ARHGEF12: variants seen among roughly 807,000 people sequenced by gnomAD.
The protein encoded by ARHGEF12 is Rho guanine nucleotide exchange factor 12.
Under a neutral mutation model 211.2 loss-of-function variants are expected in ARHGEF12, and 66 were observed. The observed-to-expected ratio is 0.31, with a 90% CI of 0.26 to 0.38. ARHGEF12 has a LOEUF of 0.38. Among genes scored for constraint, ARHGEF12 ranks in the 10% least tolerant of loss-of-function variants. ARHGEF12 has a pLI of 1.00. For missense variants in ARHGEF12, 1,429 were observed against 1,869.5 expected (o/e 0.76, Z 4.34); for synonymous variants, 592 against 638.4 (o/e 0.93, Z 1.09).
At chr11:120,376,815 C>G (rs971011352) in intron 1 of ARHGEF12, among the ~76,000 whole-genome samples, 2 of 152,304 alleles carry the variant, frequency 1.3e-5, no homozygotes, top group Middle Eastern at 6.8e-3. Flanking sequence ...TTCCCAGCCT[C>G]TGGTAAACAT....
chr11:120,354,202 C>A (rs1036147245), intron 1 of ARHGEF12, among the ~76,000 whole-genome samples: 1 of 152,110 alleles, frequency 6.6e-6, no homozygotes, highest in Non-Finnish European at 1.5e-5. Flanking sequence ...TGAGAGAGAA[C>A]CTGTAATCCC....
At position 120,445,458 on chromosome 11, in the gene ARHGEF12, G is replaced by C; in HGVS notation, c.1339G>C (p.Asp447His). 6.2e-7 allele frequency: 1 copy of C among 1,614,122 alleles called. No homozygotes were observed. The highest frequency in any genetic ancestry group is 8.5e-7 in the Non-Finnish European group (1 of 1,179,954). ...TTCTGTTCCTGATGAAATGTCTGCA[G>C]ATCTAGGTAAGCTTGGAGCACTAAC... is the stretch of plus-strand genomic sequence containing the variant. The part of the protein sequence containing the change: ...KVSVPDEMSA[D>H]LEKRRPELIP... The change falls in exon 16 of 41, where the codon GAT becomes CAT. Residue 447 changes from aspartate (D) to histidine (H), a missense_variant. Physicochemically the swap from Asp to His is moderately conservative, Grantham distance 81 (BLOSUM62 -1). Around this residue, in one of 7 missense-constraint regions of ARHGEF12, gnomAD observed 373 missense variants for 467.5 expected, o/e 0.80. Coordinates refer to ENST00000397843, the MANE Select transcript of ARHGEF12 (RefSeq NM_015313.3).
At chr11:120,390,044 A>G (rs1944163960) in intron 1 of ARHGEF12, among the ~76,000 whole-genome samples, 1 of 152,126 alleles carries the variant, frequency 6.6e-6, no homozygotes, top group Non-Finnish European at 1.5e-5. Context: ...AGGATGTGTC[A>G]TATTATTTTT....
At chr11:120,390,270 G>A (rs1386256460) in intron 1 of ARHGEF12, among the ~76,000 whole-genome samples, 1 of 152,144 alleles carries the variant, frequency 6.6e-6, no homozygotes, top group African/African-American at 2.4e-5. Flanking sequence ...TGGCAAGTAT[G>A]TTTTTTAGTT....
At chr11:120,396,791 G>T (rs1163747231) in intron 1 of ARHGEF12, among the ~76,000 whole-genome samples, 1 of 152,134 alleles carries the variant, frequency 6.6e-6, no homozygotes, top group Non-Finnish European at 1.5e-5. Flanking sequence ...CCATAAACAT[G>T]GGCAGTGACC....
chr11:120,476,939 GT>G, intron 34 of ARHGEF12, 191 bp downstream of exon 34: 1 of 593,746 alleles, frequency 1.7e-6, no homozygotes. Context: ...TATTCTGAAA[GT>G]TTATTTCCTA....
chr11:120,457,416 C>A, intron 23 of ARHGEF12, 166 bp downstream of exon 23: 1 of 800,292 alleles, frequency 1.2e-6, no homozygotes, highest in Non-Finnish European at 1.8e-6. Context: ...ATCACTTAAA[C>A]TCAGGAGTTT....
intron 1 of ARHGEF12, among the ~76,000 whole-genome samples, chr11:120,345,895 C>G (rs546414789): frequency 1.3e-5 from 2 of 151,856 alleles, no homozygotes; most frequent in African/African-American, 4.8e-5. Context: ...AAGTAATTAT[C>G]GGTAGCCTTA....
intron 22 of ARHGEF12, among the ~76,000 whole-genome samples, chr11:120,455,392 A>C (rs1946332511): frequency 6.6e-6 from 1 of 152,248 alleles, no homozygotes; most frequent in Non-Finnish European, 1.5e-5. Context: ...CACATTCCTC[A>C]TCATAACACT....
Position 120,480,178 on chromosome 11 carries a change from C to T in ARHGEF12, c.3985C>T (p.Arg1329Trp), listed in dbSNP as rs762256988. ...TGDIATCYSP[R>W]TSTESFAPRD... Reference sequence around the variant, plus strand: ...TGACATTGCAACTTGTTACAGTCCACGGACTTCAACTGAATCTTTTGCTCC... The same window carrying T: ...TGACATTGCAACTTGTTACAGTCCATGGACTTCAACTGAATCTTTTGCTCC... Residue 1329 changes from arginine (R) to tryptophan (W), a missense_variant, in exon 38 of 41, where the codon CGG (arginine) becomes TGG (tryptophan). Coordinates refer to ENST00000397843, the MANE Select transcript of ARHGEF12 (RefSeq NM_015313.3). 5.6e-6 allele frequency: 9 copies of T among 1,614,080 alleles called. No homozygotes were observed. Among genetic ancestry groups the T allele is most frequent in the African/African-American group, 1.3e-5 (1 of 74,938 alleles).
chr11:120,439,773 C>T, intron 12 of ARHGEF12: 1 of 161,200 alleles, frequency 6.2e-6, no homozygotes. Context: ...TTATTTTTTT[C>T]TGTAAGAAGT....
At chr11:120,356,163 A>G (rs1376372406) in intron 1 of ARHGEF12, among the ~76,000 whole-genome samples, 1 of 152,144 alleles carries the variant, frequency 6.6e-6, no homozygotes, top group Non-Finnish European at 1.5e-5. Context: ...TCTACTTTAA[A>G]ATTTTTGTGT....
intron 29 of ARHGEF12, among the ~76,000 whole-genome samples, chr11:120,467,605 G>C (rs1005411573): frequency 5.0e-5 from 5 of 99,822 alleles, no homozygotes; most frequent in Admixed American, 9.5e-5. Context: ...ACCACACTTG[G>C]CTTTTTTTTT....
intron 1 of ARHGEF12, among the ~76,000 whole-genome samples, chr11:120,403,428 A>G (rs1054197004): frequency 5.3e-5 from 8 of 151,672 alleles, no homozygotes; most frequent in African/African-American, 1.9e-4. Flanking sequence ...AAGTGTTTGA[A>G]CCCGGGAGGT....
intron 15 of ARHGEF12, 146 bp from the exon 16 acceptor site, chr11:120,445,276 G>T: frequency 1.3e-6 from 1 of 752,856 alleles, no homozygotes; most frequent in Non-Finnish European, 2.3e-6. Flanking sequence ...CTGGAGTTGT[G>T]AAATGTGAAT....
At chr11:120,472,194 G>A (rs1055839526) in intron 30 of ARHGEF12, among the ~76,000 whole-genome samples, 10 of 151,988 alleles carry the variant, frequency 6.6e-5, no homozygotes, top group African/African-American at 2.4e-4. Context: ...ATACATATAG[G>A]AATACCAAAG....
intron 1 of ARHGEF12, among the ~76,000 whole-genome samples, chr11:120,361,818 T>G (rs1340175666): frequency 6.6e-6 from 1 of 152,250 alleles, no homozygotes; most frequent in Admixed American, 6.5e-5. Context: ...GTAGATATAT[T>G]TGTCAAGATA....
intron 38 of ARHGEF12, among the ~76,000 whole-genome samples, chr11:120,480,896 G>T (rs1947214052): frequency 6.6e-6 from 1 of 152,132 alleles, no homozygotes; most frequent in Non-Finnish European, 1.5e-5. Flanking sequence ...GCAGAGTGGG[G>T]CAGAGGCTTT....
intron 36 of ARHGEF12, 187 bp downstream of exon 36, chr11:120,477,713 A>G: frequency 2.0e-6 from 1 of 508,670 alleles, no homozygotes; most frequent in African/African-American, 2.0e-5. Flanking sequence ...AAAAAATACA[A>G]AAATTAGCCG....
Sources: gnomAD v4.1 joint callset for allele counts (sites outside exome capture counted in the v4.1 genomes callset) on GRCh38, gnomAD v4.1.1 for gene constraint, gnomAD v4.1.1 regional missense constraint, MANE v1.5 for transcripts, NCBI Gene and HGNC (gene_info 2026-07-23, HGNC 2026-07-21) for gene names.